BCL9: variants seen among roughly 807,000 people sequenced by gnomAD.
BCL9 encodes the protein B-cell CLL/lymphoma 9 protein.
A neutral mutation model predicts 88.5 loss-of-function variants in BCL9; 25 were observed. The observed-to-expected ratio is 0.28, with a 90% CI of 0.21 to 0.39. The LOEUF (loss-of-function observed/expected upper bound fraction) is 0.39. BCL9 is among the 10% of genes least tolerant of loss of function. The pLI is 1.00. For synonymous variants in BCL9, 711 were observed against 673.3 expected (o/e 1.06, Z -0.87); for missense variants, 1,817 against 1,877.8 (o/e 0.97, Z 0.60).
At chr1:147,556,934 C>T (rs1655141957) in intron 1 of BCL9, among the ~76,000 whole-genome samples, 1 of 152,154 alleles carries the variant, frequency 6.6e-6, no homozygotes, top group Admixed American at 6.5e-5. Flanking sequence ...ACAGTGGGCC[C>T]TCAGTGACCA....
At chr1:147,574,228 G>A (rs781877307) in intron 1 of BCL9, among the ~76,000 whole-genome samples, 1 of 152,108 alleles carries the variant, frequency 6.6e-6, no homozygotes, top group Non-Finnish European at 1.5e-5. Context: ...AAGGCAAAAG[G>A]CACTCTGGAC....
chr1:147,586,988 T>C (rs1373431091), intron 1 of BCL9, among the ~76,000 whole-genome samples: 1 of 151,336 alleles, frequency 6.6e-6, no homozygotes, highest in Non-Finnish European at 1.5e-5. Flanking sequence ...CCTTTACACA[T>C]ACCTCCTCCA....
At chr1:147,580,377 T>C (rs781938041) in intron 1 of BCL9, among the ~76,000 whole-genome samples, 8 of 152,124 alleles carry the variant, frequency 5.3e-5, no homozygotes, top group Non-Finnish European at 1.2e-4. Flanking sequence ...GTGGTTTAGA[T>C]TAAAACCACA....
chr1:147,553,833 C>A (rs1262038567), intron 1 of BCL9, among the ~76,000 whole-genome samples: 2 of 152,180 alleles, frequency 1.3e-5, no homozygotes, highest in South Asian at 4.1e-4. Flanking sequence ...CTTTTGCCAG[C>A]AGAGTTGGCA....
chr1:147,618,786 A>T (rs1487319496), intron 7 of BCL9, 30 bp from the exon 8 acceptor site: 1 of 1,497,522 alleles, frequency 6.7e-7, no homozygotes, highest in Non-Finnish European at 8.9e-7. Context: ...CAGTTTACTA[A>T]TGATTTTTAA....
intron 1 of BCL9, chr1:147,600,205 T>TGCC (rs1438222559): frequency 2.5e-5 from 4 of 161,740 alleles, no homozygotes; most frequent in Non-Finnish European, 5.2e-5. Context: ...CCGCCGCCGC[T>TGCC]GCCGCCGCCG....
chr1:147,572,756 T>G (rs1227922230), intron 1 of BCL9, among the ~76,000 whole-genome samples: 11 of 152,214 alleles, frequency 7.2e-5, no homozygotes, highest in African/African-American at 2.7e-4. Flanking sequence ...ATTTTTGTAT[T>G]TTTAGTAGAG....
At chr1:147,618,721 T>C in intron 7 of BCL9, 95 bp from the exon 8 acceptor site, 1 of 1,213,600 alleles carries the variant, frequency 8.2e-7, no homozygotes, top group Non-Finnish European at 1.1e-6. Flanking sequence ...TAGATTTATG[T>C]GCCTGGGGAC....
Position 147,614,418 on chromosome 1 carries a change from T to C in BCL9, c.371-9T>C. Reference sequence around the variant, plus strand: ...ATTCTTTCTGTGACGAGTCATTTTATTCTTTTAGAATGTAATTCTGCTGAC... The same window carrying C: ...ATTCTTTCTGTGACGAGTCATTTTACTCTTTTAGAATGTAATTCTGCTGAC... On this transcript the variant is annotated splice_polypyrimidine_tract_variant and intron_variant, in intron 5 of 9. Coordinates refer to ENST00000234739, the MANE Select transcript of BCL9 (RefSeq NM_004326.4). 2 of 1,612,826 alleles carry C rather than the reference T, an allele frequency of 1.2e-6. No individual in the cohort carries two copies. The highest frequency in any genetic ancestry group is 8.5e-7 in the Non-Finnish European group (1 of 1,178,838).
chr1:147,563,839 T>G (rs1553196375), intron 1 of BCL9, among the ~76,000 whole-genome samples: 1 of 152,262 alleles, frequency 6.6e-6, no homozygotes, highest in African/African-American at 2.4e-5. Context: ...GTGCTAAGTG[T>G]TGTCACACAT....
intron 1 of BCL9, among the ~76,000 whole-genome samples, chr1:147,602,083 T>G (rs1657421634): frequency 6.6e-6 from 1 of 151,988 alleles, no homozygotes; most frequent in Admixed American, 6.6e-5. Flanking sequence ...GTACTTTTAG[T>G]AGAGATGGGG....
At chr1:147,586,154 T>C (rs1553199202) in intron 1 of BCL9, among the ~76,000 whole-genome samples, 1 of 152,154 alleles carries the variant, frequency 6.6e-6, no homozygotes, top group Non-Finnish European at 1.5e-5. Flanking sequence ...TCTGCCGTTT[T>C]CCCCACAGCC....
intron 6 of BCL9, 53 bp downstream of exon 6, chr1:147,614,669 A>C: frequency 1.3e-6 from 2 of 1,491,908 alleles, no homozygotes; most frequent in East Asian, 2.3e-5. Flanking sequence ...GGGGACCTAA[A>C]TTCTTATTCC....
At chr1:147,546,607 T>C (rs1553194274) in intron 1 of BCL9, among the ~76,000 whole-genome samples, 3 of 152,234 alleles carry the variant, frequency 2.0e-5, no homozygotes, top group African/African-American at 7.2e-5. Flanking sequence ...CTATTCAGTA[T>C]TTTTCTGATT....
Position 147,623,926 on chromosome 1 carries a change from C to T in BCL9, c.3248C>T (p.Thr1083Ile). ...PMPTLSPMGM[T>I]QPLSHSNQMP... The stretch of plus-strand genomic sequence containing the variant: ...CCAACCCTCAGCCCAATGGGAATGA[C>T]CCAGCCACTTTCTCACTCCAATCAG... Residue 1083 changes from threonine to isoleucine, a missense_variant, in exon 10 of 10, where the codon ACC becomes ATC. This residue lies in a region of BCL9 where 589 missense variants were observed against 686.2 expected (regional missense o/e 0.86). Transcript: ENST00000234739. The T allele has an allele frequency of 6.2e-7, 1 of 1,614,198 alleles. No individual in the cohort carries two copies. Among genetic ancestry groups the T allele is most frequent in the Non-Finnish European group, 8.5e-7 (1 of 1,180,046 alleles).
intron 1 of BCL9, among the ~76,000 whole-genome samples, chr1:147,551,240 C>T (rs998998516): frequency 3.9e-5 from 6 of 152,150 alleles, no homozygotes; most frequent in African/African-American, 1.4e-4. Flanking sequence ...CAACATCATC[C>T]AATTAGTAAG....
chr1:147,568,397 C>T (rs962484628), intron 1 of BCL9, among the ~76,000 whole-genome samples: 1 of 151,820 alleles, frequency 6.6e-6, no homozygotes, highest in South Asian at 2.1e-4. Flanking sequence ...TGTATTCTAA[C>T]TGAAGGCTTA....
At chr1:147,601,767 A>T (rs1657402434) in intron 1 of BCL9, among the ~76,000 whole-genome samples, 1 of 152,266 alleles carries the variant, frequency 6.6e-6, no homozygotes, top group African/African-American at 2.4e-5. Context: ...CCAAACTATT[A>T]AAGACACAGA....
At chr1:147,608,441 A>G (rs149182199) in intron 3 of BCL9, among the ~76,000 whole-genome samples, 1 of 149,836 alleles carries the variant, frequency 6.7e-6, no homozygotes, top group African/African-American at 2.5e-5. Context: ...GAGAGCTCTC[A>G]GAAGGCTGGA....
Sources: allele counts gnomAD v4.1 joint callset (sites outside exome capture counted in the v4.1 genomes callset), GRCh38; gene constraint gnomAD v4.1.1; regional missense constraint gnomAD v4.1.1; transcripts MANE v1.5; gene names NCBI Gene and HGNC (gene_info 2026-07-23, HGNC 2026-07-21).